BICDL1: variants seen among roughly 807,000 people sequenced by gnomAD.
BICDL1 encodes the protein BICD family-like cargo adapter 1.
BICDL1 carries 20 observed loss-of-function variants against 76.8 expected under a neutral mutation model. The ratio of observed to expected loss-of-function variants is 0.26; its 90% CI spans 0.18 to 0.38. BICDL1 has a LOEUF of 0.38. Ranked by LOEUF, BICDL1 falls within the 10% of genes least tolerant of loss-of-function variation. The pLI, the probability that BICDL1 is intolerant of heterozygous loss-of-function variation, is 1.00. For missense variants in BICDL1, 700 were observed against 798.6 expected, an observed-to-expected ratio of 0.88 and a Z score of 1.49; for synonymous variants, 383 against 337.1, an observed-to-expected ratio of 1.14 and a Z score of -1.49.
chr12:120,024,300 AAC>A (rs1448794197), intron 2 of BICDL1, among the ~76,000 whole-genome samples: 1 of 152,150 alleles, frequency 6.6e-6, no homozygotes, highest in African/African-American at 2.4e-5. Context: ...CAAAACAAAA[AAC>A]ACAGACCTAA....
rs536535865 is a variant in BICDL1 at position 120,025,272 on chromosome 12, G to C, written c.645+26536G>C. Among the ~76,000 whole-genome samples the C allele has an allele frequency of 2.6e-5, 4 of 151,778 alleles. No individual in the cohort carries two copies. The South Asian group carries it at 6.3e-4, about 24-fold the overall frequency. ...TCACCGTGTTAGCCAGGATGGTCTT[G>C]ATCTCCTGACCTCGTGATCCGCCCT... On this transcript the variant is annotated intron_variant, in intron 2 of 9. Coordinates refer to ENST00000548673, the MANE Select transcript of BICDL1 (RefSeq NM_001367886.1).
chr12:120,012,838 CAG>C (rs931849651), intron 2 of BICDL1, among the ~76,000 whole-genome samples: 6 of 152,062 alleles, frequency 3.9e-5, no homozygotes, highest in East Asian at 1.9e-4. Flanking sequence ...ATGGAACTAA[CAG>C]ATTATAAAAT....
chr12:119,994,775 A>G lies in BICDL1; in HGVS notation c.430-3746A>G, dbSNP rs530694942. ...AGTGCTGGGATTACAGGCATGAGCC[A>G]CTGCGCCCAGCCATAGACTCTATTT... On this transcript the variant is annotated intron_variant, in intron 1 of 9. Transcript: ENST00000548673. Among the ~76,000 whole-genome samples the G allele has an allele frequency of 1.4e-4, 22 of 152,350 alleles. 1 individual carries two copies. In the South Asian group the frequency reaches 4.6e-3, roughly 32 times the overall value.
Position 120,064,801 on chromosome 12 carries a change from C to T in BICDL1, c.831C>T (p.Asp277=), listed in dbSNP as rs953284432. The T allele has an allele frequency of 6.2e-7, 1 of 1,613,802 alleles. No individual in the cohort carries two copies. Among genetic ancestry groups the T allele is most frequent in the Non-Finnish European group, 8.5e-7 (1 of 1,179,864 alleles). The part of the protein sequence containing the change: ...HRLSATLEEN[D]LLQGTVEELQ... Reference sequence around the variant, plus strand: ...TCAGCGCTACTTTAGAGGAAAATGACCTGCTCCAAGGGACCGTGGAGGAGC... The same window carrying T: ...TCAGCGCTACTTTAGAGGAAAATGATCTGCTCCAAGGGACCGTGGAGGAGC... The change falls in exon 4 of 10, where the codon GAC becomes GAT. Residue 277 remains aspartate (D), a synonymous_variant. Transcript: ENST00000548673.
chr12:120,018,140 C>T (rs995897901), intron 2 of BICDL1, among the ~76,000 whole-genome samples: 6 of 152,144 alleles, frequency 3.9e-5, no homozygotes, highest in Middle Eastern at 3.2e-3. Context: ...GCAGCTTTTG[C>T]GCTGGATACC....
intron 1 of BICDL1, among the ~76,000 whole-genome samples, chr12:119,994,737 C>T (rs2138588088): frequency 6.6e-6 from 1 of 152,296 alleles, no homozygotes; most frequent in East Asian, 1.9e-4. Flanking sequence ...ATCTGCCCAC[C>T]TGGGCCTCCC....
chr12:120,076,732 T>A (rs1374144801), intron 7 of BICDL1, among the ~76,000 whole-genome samples: 1 of 152,192 alleles, frequency 6.6e-6, no homozygotes, highest in African/African-American at 2.4e-5. Flanking sequence ...GCAGAAAACC[T>A]CTCAGCCACA....
intron 4 of BICDL1, among the ~76,000 whole-genome samples, chr12:120,066,340 G>A (rs555296714): frequency 2.7e-4 from 41 of 152,298 alleles, no homozygotes; most frequent in African/African-American, 9.6e-4. Context: ...CAGTATGGGA[G>A]GAGAAGGAAA....
intron 2 of BICDL1, chr12:120,000,638 A>G (rs1001234075): frequency 6.6e-6 from 1 of 152,234 alleles, no homozygotes; most frequent in Non-Finnish European, 1.5e-5. Context: ...TTACAAAATA[A>G]CATGAGCTAA....
At chr12:120,021,607 A>G (rs1566222213) in intron 2 of BICDL1, among the ~76,000 whole-genome samples, 1 of 149,134 alleles carries the variant, frequency 6.7e-6, no homozygotes, top group African/African-American at 2.5e-5. Flanking sequence ...AAAAAAAAAA[A>G]AAAGAGAATC....
chr12:120,061,522 G>A (rs999128418), intron 2 of BICDL1, among the ~76,000 whole-genome samples, 188 bp from the exon 3 acceptor site: 3 of 151,346 alleles, frequency 2.0e-5, no homozygotes, highest in African/African-American at 7.3e-5. Context: ...GTCATTAATG[G>A]TAGAGGTGGG....
At chr12:120,001,772 T>G (rs1281888136) in intron 2 of BICDL1, among the ~76,000 whole-genome samples, 2 of 152,130 alleles carry the variant, frequency 1.3e-5, no homozygotes, top group African/African-American at 4.8e-5. Context: ...ATTTGGGGCT[T>G]AGCACAGTGG....
At chr12:120,067,506 T>C (rs1407521167) in intron 4 of BICDL1, among the ~76,000 whole-genome samples, 1 of 152,224 alleles carries the variant, frequency 6.6e-6, no homozygotes, top group East Asian at 1.9e-4. Context: ...TAAAGGATGA[T>C]GTTTCTTATT....
chr12:120,029,314 C>T (rs1438659612), intron 2 of BICDL1, among the ~76,000 whole-genome samples: 1 of 152,116 alleles, frequency 6.6e-6, no homozygotes, highest in East Asian at 1.9e-4. Context: ...CCATTTTTTC[C>T]CCCTCAATAG....
chr12:120,015,594 C>T (rs1952045031), intron 2 of BICDL1, among the ~76,000 whole-genome samples: 1 of 152,192 alleles, frequency 6.6e-6, no homozygotes, highest in South Asian at 2.1e-4. Flanking sequence ...AAGGACTGTG[C>T]ACTCAGGGCA....
intron 2 of BICDL1, among the ~76,000 whole-genome samples, chr12:120,057,500 G>A (rs577127002): frequency 6.6e-6 from 1 of 152,264 alleles, no homozygotes; most frequent in South Asian, 2.1e-4. Context: ...GAACATAAGA[G>A]TTATATATAA....
At chr12:120,083,572 G>C (rs1051165133) in intron 8 of BICDL1, among the ~76,000 whole-genome samples, 1 of 151,614 alleles carries the variant, frequency 6.6e-6, no homozygotes, top group Non-Finnish European at 1.5e-5. Flanking sequence ...AGGAGTGTGA[G>C]GAGATAGTTA....
At chr12:120,053,789 G>T (rs1394623842) in intron 2 of BICDL1, among the ~76,000 whole-genome samples, 3 of 152,184 alleles carry the variant, frequency 2.0e-5, no homozygotes, top group African/African-American at 7.2e-5. Context: ...GTCATTGTAT[G>T]TAGGTCCTCT....
chr12:120,070,178 T>C (rs1459105933), intron 4 of BICDL1, among the ~76,000 whole-genome samples: 1 of 152,228 alleles, frequency 6.6e-6, no homozygotes, highest in Admixed American at 6.5e-5. Flanking sequence ...ATAGATTCTA[T>C]TTAACTTTAT....
Sources: gnomAD v4.1 joint callset for allele counts (sites outside exome capture counted in the v4.1 genomes callset) on GRCh38, gnomAD v4.1.1 for gene constraint, MANE v1.5 for transcripts, NCBI Gene and HGNC (gene_info 2026-07-23, HGNC 2026-07-21) for gene names.